Variants in GOLGA8M observed in about 807,000 individuals in gnomAD.
GOLGA8M encodes the protein golgin subfamily A member 8M.
A neutral mutation model predicts 87.7 loss-of-function variants in GOLGA8M; 34 were observed. That is an observed-to-expected ratio of 0.39 (90% CI 0.29 to 0.52). The LOEUF (loss-of-function observed/expected upper bound fraction) is 0.52, where lower values mean the gene tolerates loss of function less well. GOLGA8M is among the 20% of genes least tolerant of loss of function. The probability of loss-of-function intolerance (pLI) is 0.80; values close to 1 mark genes in which losing one functional copy is unlikely to be tolerated. For synonymous variants in GOLGA8M, 138 were observed against 250.2 expected, an observed-to-expected ratio of 0.55 and a Z score of 4.23; for missense variants, 396 against 682.2, an observed-to-expected ratio of 0.58 and a Z score of 4.67.
At chr15:28,712,649 G>T (rs1040488945), upstream of GOLGA8M, among the ~76,000 whole-genome samples, 1 of 151,446 alleles carries the variant, frequency 6.6e-6, no homozygotes, top group Non-Finnish European at 1.5e-5. Context: ...GAGAAGAGGG[G>T]CCAGCTTTTG....
At chr15:28,702,418 C>T in intron 17 of GOLGA8M, 47 bp downstream of exon 17, 2 of 1,144,572 alleles carry the variant, frequency 1.7e-6, no homozygotes, top group Non-Finnish European at 2.4e-6. Context: ...CGCCCACCCT[C>T]ACACCCACCC....
intron 15 of GOLGA8M, among the ~76,000 whole-genome samples, 175 bp downstream of exon 15, chr15:28,703,144 T>TG (rs2079869902): frequency 1.5e-5 from 2 of 133,122 alleles, no homozygotes; most frequent in African/African-American, 3.2e-5. Flanking sequence ...CCCCTTCCCT[T>TG]GGGCCCCCAG....
At chr15:28,713,264 G>A (rs193109938), upstream of GOLGA8M, among the ~76,000 whole-genome samples, 382 of 151,420 alleles carry the variant, frequency 2.5e-3, no homozygotes, top group African/African-American at 8.9e-3. Context: ...ATGAACCCCC[G>A]AGGTGGAGCT....
chr15:28,712,960 T>A (rs2080233927), upstream of GOLGA8M, among the ~76,000 whole-genome samples: 1 of 150,046 alleles, frequency 6.7e-6, no homozygotes, highest in African/African-American at 2.5e-5. Flanking sequence ...ATTTCTCTTT[T>A]TTGGAAAAAT....
rs2079741062 is a variant in GOLGA8M at position 28,698,875 on chromosome 15, T to G, written c.*3079A>C. Among the ~76,000 whole-genome samples the G allele has an allele frequency of 1.4e-5, 2 of 143,062 alleles. No individual in the cohort carries two copies. The highest frequency in any genetic ancestry group is 4.4e-4 in the South Asian group (2 of 4,564). 93.9% of individuals were successfully genotyped at this position (143,062 alleles called of 152,430 possible). A position where few individuals can be genotyped will look rare whatever the true frequency, so the allele number is the denominator to read the frequency against. On this transcript the variant is annotated 3_prime_UTR_variant, in exon 19 of 19. Coordinates refer to ENST00000563027, the MANE Select transcript of GOLGA8M (RefSeq NM_001282468.3). ...CAGTATTTCCATTACACATTCTGTT[T>G]ATAATAATTCATAAACTGGTAAAAT...
rs921853229 is a variant in GOLGA8M, at chr15:28,711,576, T to C, written c.48+700A>G. The C allele has an allele frequency of 1.0e-5, 10 of 982,224 alleles. No individual in the cohort carries two copies. The African/African-American group carries it at 1.7e-4, about 17-fold the overall frequency. The allele number at this position is 982,224 out of a possible 1,614,324, so 60.8% of individuals were successfully genotyped here. On this transcript the variant is annotated intron_variant, in intron 1 of 18. Coordinates refer to ENST00000563027, the MANE Select transcript of GOLGA8M (RefSeq NM_001282468.3). ...TGGAACCTCTTGCTCCTAGGTCCCA[T>C]AGTCTCCATTCCCCTTCCAGCTGGA...
At chr15:28,704,053 C>T in intron 13 of GOLGA8M, 136 bp from the exon 14 acceptor site, 1 of 1,539,518 alleles carries the variant, frequency 6.5e-7, no homozygotes. Flanking sequence ...TTGCCTCAAG[C>T]TTCCTGCTAC....
chr15:28,704,171 G>A (rs1032301967), intron 13 of GOLGA8M, among the ~76,000 whole-genome samples: 9 of 148,212 alleles, frequency 6.1e-5, no homozygotes, highest in African/African-American at 1.2e-4. Flanking sequence ...AGGTGGCCAC[G>A]GACTGCTGCA....
At chr15:28,707,914 G>A in intron 7 of GOLGA8M, 39 bp downstream of exon 7, 1 of 1,577,994 alleles carries the variant, frequency 6.3e-7, no homozygotes, top group South Asian at 1.1e-5. Flanking sequence ...ACCTGTCAAA[G>A]TGCCAGGTTG....
intron 16 of GOLGA8M, 26 bp from the exon 17 acceptor site, chr15:28,702,588 T>C: frequency 6.2e-7 from 1 of 1,609,546 alleles, no homozygotes; most frequent in Non-Finnish European, 8.5e-7. Flanking sequence ...GCTCAGACGC[T>C]GGGGCCCCTC....
intron 13 of GOLGA8M, 82 bp downstream of exon 13, chr15:28,705,077 G>A: frequency 3.2e-6 from 5 of 1,575,172 alleles, no homozygotes; most frequent in Non-Finnish European, 4.3e-6. Flanking sequence ...AGCTGCCTCT[G>A]GCCTGGTACC....
chr15:28,708,672 G>A (rs1045580975), intron 4 of GOLGA8M, among the ~76,000 whole-genome samples: 5 of 151,208 alleles, frequency 3.3e-5, no homozygotes, highest in African/African-American at 1.2e-4. Flanking sequence ...CTCTAGAGAT[G>A]GAGTTTCAGA....
Position 28,708,407 on chromosome 15 carries a change from G to C in GOLGA8M, c.316C>G (p.Gln106Glu), listed in dbSNP as rs1381647179. The C allele has an allele frequency of 1.3e-6, 2 of 1,596,208 alleles. No individual in the cohort carries two copies. Among genetic ancestry groups the C allele is most frequent in the South Asian group, 2.2e-5 (2 of 90,834 alleles). Residue 106 changes from glutamine to glutamate, a missense_variant, in exon 5 of 19, where the codon CAG (glutamine) becomes GAG (glutamate). Coordinates refer to ENST00000563027, the MANE Select transcript of GOLGA8M (RefSeq NM_001282468.3). ...AGCTGATGTTCCACTTGTTTCTTCTGTTGTTTCTGTGGGGAGAGTCAAATA... is the reference window on the plus strand; with the variant it reads ...AGCTGATGTTCCACTTGTTTCTTCTCTTGTTTCTGTGGGGAGAGTCAAATA... ...LKNTIKSLKQ[Q>E]KKQVEHQLEE...
At chr15:28,702,184 C>G (rs1294972390) in intron 18 of GOLGA8M, 30 bp downstream of exon 18, 4 of 1,588,088 alleles carry the variant, frequency 2.5e-6, no homozygotes, top group Admixed American at 3.4e-5. Context: ...CTCTTCCTGC[C>G]TGCCCACACC....
At chr15:28,708,266 C>T (rs28418661) in intron 5 of GOLGA8M, 93 bp from the exon 6 acceptor site, 149,954 of 1,598,720 alleles carry the variant, frequency 0.094, 13,348 homozygotes, top group East Asian at 0.54. Flanking sequence ...TGCCCCAGGA[C>T]AGGCCCACCC....
At chr15:28,711,936 G>C in intron 1 of GOLGA8M, 1 of 985,128 alleles carries the variant, frequency 1.0e-6, no homozygotes, top group Non-Finnish European at 1.2e-6. Flanking sequence ...ACCCAGGGAT[G>C]ATTGGCGAGG....
At chr15:28,708,751 G>A (rs978535212) in intron 4 of GOLGA8M, among the ~76,000 whole-genome samples, 5 of 152,098 alleles carry the variant, frequency 3.3e-5, no homozygotes, top group Non-Finnish European at 5.9e-5. Flanking sequence ...TACTGAGCAT[G>A]TATGGACCAG....
chr15:28,702,831 C>T (rs1228901599), intron 15 of GOLGA8M, 86 bp from the exon 16 acceptor site: 299 of 1,569,476 alleles, frequency 1.9e-4, no homozygotes, highest in Admixed American at 1.3e-3. Flanking sequence ...GGAGGTGAGT[C>T]CTGGCATGGG....
intron 12 of GOLGA8M, 47 bp from the exon 13 acceptor site, chr15:28,705,274 C>G: frequency 6.4e-7 from 1 of 1,557,750 alleles, no homozygotes; most frequent in African/African-American, 1.4e-5. Flanking sequence ...AGCTGGAGAC[C>G]CCAGAACTTG....
Sources: allele counts gnomAD v4.1 joint callset (sites outside exome capture counted in the v4.1 genomes callset), GRCh38; gene constraint gnomAD v4.1.1; transcripts MANE v1.5; gene names NCBI Gene and HGNC (gene_info 2026-07-23, HGNC 2026-07-21).